The following ASIC2 variants were observed in gnomAD, a reference collection of about 807,000 sequenced individuals.
The protein encoded by ASIC2 is acid sensing ion channel subunit 2.
Under a neutral mutation model 57.3 loss-of-function variants are expected in ASIC2, and 25 were observed. The ratio of observed to expected loss-of-function variants is 0.44; its 90% confidence interval spans 0.32 to 0.61. The LOEUF is 0.61. ASIC2 is among the 20% of genes least tolerant of loss of function. The probability of loss-of-function intolerance (pLI) is 0.06; values close to 1 mark genes in which losing one functional copy is unlikely to be tolerated. For missense variants in ASIC2, 641 were observed against 738.1 expected, an observed-to-expected ratio of 0.87 and a Z score of 1.52; for synonymous variants, 319 against 307.5, an observed-to-expected ratio of 1.04 and a Z score of -0.39.
At chr17:33,276,726 T>A (rs948720327) in intron 1 of ASIC2, among the ~76,000 whole-genome samples, 1 of 152,186 alleles carries the variant, frequency 6.6e-6, no homozygotes, top group Admixed American at 6.5e-5. Flanking sequence ...GTTAACTTAA[T>A]AGAAACTTAA....
At chr17:33,134,958 A>G (rs756495666) in intron 1 of ASIC2, among the ~76,000 whole-genome samples, 7 of 152,234 alleles carry the variant, frequency 4.6e-5, no homozygotes, top group Non-Finnish European at 8.8e-5. Flanking sequence ...TATTACCACA[A>G]GAAAGATGAG....
intron 1 of ASIC2, among the ~76,000 whole-genome samples, chr17:33,381,521 C>T (rs1909488316): frequency 6.6e-6 from 1 of 152,178 alleles, no homozygotes; most frequent in African/African-American, 2.4e-5. Context: ...AAATGCTGGC[C>T]CTGGAGTCAG....
chr17:33,099,276 CA>C (rs1365256622), intron 2 of ASIC2, among the ~76,000 whole-genome samples: 2 of 152,240 alleles, frequency 1.3e-5, no homozygotes, highest in Middle Eastern at 3.4e-3. Context: ...CTCAGCCTCC[CA>C]AAGTGCTGGG....
intron 3 of ASIC2, among the ~76,000 whole-genome samples, chr17:33,087,675 C>T (rs141008900): frequency 1.3e-5 from 2 of 149,046 alleles, no homozygotes; most frequent in Non-Finnish European, 3.0e-5. Flanking sequence ...GATCCTCCCA[C>T]CTCCAACCGC....
At chr17:34,087,337 T>C (rs1910147942) in intron 1 of ASIC2, among the ~76,000 whole-genome samples, 1 of 151,978 alleles carries the variant, frequency 6.6e-6, no homozygotes, top group South Asian at 2.1e-4. Context: ...GGGTTGAAAA[T>C]TCTTTTCTTT....
chr17:33,897,378 C>T (rs1312847638), intron 1 of ASIC2, among the ~76,000 whole-genome samples: 1 of 152,226 alleles, frequency 6.6e-6, no homozygotes, highest in Admixed American at 6.5e-5. Flanking sequence ...TATGGCATCC[C>T]ACCCCATTGC....
chr17:33,761,946 T>G (rs1910796737), intron 1 of ASIC2, among the ~76,000 whole-genome samples: 2 of 151,264 alleles, frequency 1.3e-5, no homozygotes, highest in Non-Finnish European at 2.9e-5. Flanking sequence ...GGGGTAGGGA[T>G]GGAACTGAGT....
chr17:33,382,029 A>G (rs552192379), intron 1 of ASIC2, among the ~76,000 whole-genome samples: 1 of 152,218 alleles, frequency 6.6e-6, no homozygotes, highest in East Asian at 1.9e-4. Context: ...GTAGGACCCC[A>G]TGTTAGTCCC....
chr17:33,193,230 C>T (rs1906494992), intron 1 of ASIC2, among the ~76,000 whole-genome samples: 1 of 152,198 alleles, frequency 6.6e-6, no homozygotes, highest in Admixed American at 6.6e-5. Flanking sequence ...ATACAACTTT[C>T]CCCAGGATGA....
At position 33,441,028 on chromosome 17, in the gene ASIC2, G is replaced by T. The variant is rs373991105; in HGVS notation, c.556-328961C>A. On this transcript the variant is annotated intron_variant, in intron 1 of 9. Transcript: ENST00000359872. ...CTGTCACCCAGACTGGAATGGAGTG[G>T]TGTGATCACAGCTCACTGTAGGCTT... Among the ~76,000 whole-genome samples the T allele has an allele frequency of 2.9e-4, 44 of 152,102 alleles. 1 individual carries two copies. In the East Asian group the frequency reaches 5.2e-3, roughly 18 times the overall value.
intron 1 of ASIC2, among the ~76,000 whole-genome samples, chr17:34,053,720 G>GA (rs1370386655): frequency 6.6e-6 from 1 of 152,162 alleles, no homozygotes; most frequent in Non-Finnish European, 1.5e-5. Context: ...CATAGAGGTG[G>GA]AAAAACTGGG....
intron 3 of ASIC2, among the ~76,000 whole-genome samples, chr17:33,071,498 GT>G (rs2092068927): frequency 1.3e-5 from 2 of 151,996 alleles, no homozygotes; most frequent in African/African-American, 4.8e-5. Context: ...ATGTTTTAAT[GT>G]CCTTGCTGGC....
At chr17:33,585,836 ACT>A (rs1904611340) in intron 1 of ASIC2, among the ~76,000 whole-genome samples, 1 of 152,084 alleles carries the variant, frequency 6.6e-6, no homozygotes, top group Admixed American at 6.5e-5. Flanking sequence ...TATATCTTTT[ACT>A]TTATTACATA....
chr17:33,208,370 A>T (rs541445037), intron 1 of ASIC2, among the ~76,000 whole-genome samples: 33 of 152,240 alleles, frequency 2.2e-4, no homozygotes, highest in African/African-American at 7.5e-4. Context: ...CTCCTTACTC[A>T]GGGCTTGCCA....
At chr17:33,937,244 C>T (rs932679254) in intron 1 of ASIC2, among the ~76,000 whole-genome samples, 2 of 152,302 alleles carry the variant, frequency 1.3e-5, no homozygotes, top group African/African-American at 4.8e-5. Context: ...TGGGATTACA[C>T]TCACGTGCCA....
rs531472164 is a variant in ASIC2, at chr17:34,053,186, C to T, written c.555+102792G>A. Among the ~76,000 whole-genome samples, 392 of 152,276 alleles carry T rather than the reference C, an allele frequency of 2.6e-3. 4 individuals are homozygous for T. Among genetic ancestry groups the T allele is most frequent in the African/African-American group, 8.9e-3 (371 of 41,556 alleles). On this transcript the variant is annotated intron_variant, in intron 1 of 9. Transcript: ENST00000359872. ...ATGCTTTATGCCTCCAAATTTTGTT[C>T]TCCCTGGGTTGCTGCCTCTCTCTCA...
intron 1 of ASIC2, among the ~76,000 whole-genome samples, chr17:33,329,497 A>C (rs1234602193): frequency 6.6e-6 from 1 of 152,198 alleles, no homozygotes; most frequent in Non-Finnish European, 1.5e-5. Context: ...TTCACAAATG[A>C]GAAAATTCAT....
At chr17:34,128,032 T>C (rs1911838957) in intron 1 of ASIC2, among the ~76,000 whole-genome samples, 1 of 152,086 alleles carries the variant, frequency 6.6e-6, no homozygotes, top group Non-Finnish European at 1.5e-5. Context: ...GCCACAAATA[T>C]ATAATGATGA....
At chr17:33,960,985 A>G (rs948905193) in intron 1 of ASIC2, among the ~76,000 whole-genome samples, 1 of 152,216 alleles carries the variant, frequency 6.6e-6, no homozygotes, top group East Asian at 1.9e-4. Flanking sequence ...TAATGCAGGC[A>G]ACCCTAAGTA....
Sources: allele counts gnomAD v4.1 joint callset (sites outside exome capture counted in the v4.1 genomes callset), GRCh38; gene constraint gnomAD v4.1.1; transcripts MANE v1.5; gene names NCBI Gene and HGNC (gene_info 2026-07-23, HGNC 2026-07-21).